The following SUSD5 variants were observed in gnomAD, a reference collection of about 807,000 sequenced individuals.
SUSD5 encodes the protein sushi domain-containing protein 5.
A neutral mutation model predicts 29.5 loss-of-function variants in SUSD5; 33 were observed. That is an observed-to-expected ratio of 1.12 (90% CI 0.85 to 1.49). The LOEUF is 1.49. Among genes scored for constraint, SUSD5 ranks in the 40% most tolerant of loss-of-function variants. SUSD5 has a pLI of 0.00. For synonymous variants in SUSD5, 308 were observed against 325.3 expected, an observed-to-expected ratio of 0.95 and a Z score of 0.57; for missense variants, 776 against 800.6, an observed-to-expected ratio of 0.97 and a Z score of 0.37.
intron 4 of SUSD5, among the ~76,000 whole-genome samples, chr3:33,156,914 T>C (rs1487595160): frequency 6.6e-6 from 1 of 152,230 alleles, no homozygotes; most frequent in Non-Finnish European, 1.5e-5. Flanking sequence ...AAACAGTGGA[T>C]GAAGAGCAAA....
intron 2 of SUSD5, among the ~76,000 whole-genome samples, chr3:33,212,304 G>A (rs2032337069): frequency 6.6e-6 from 1 of 152,208 alleles, no homozygotes; most frequent in African/African-American, 2.4e-5. Context: ...GTGGAAGCCA[G>A]AGGACTGCCT....
At chr3:33,195,633 A>C (rs904921388) in intron 3 of SUSD5, among the ~76,000 whole-genome samples, 1 of 152,190 alleles carries the variant, frequency 6.6e-6, no homozygotes, top group African/African-American at 2.4e-5. Flanking sequence ...CAAAACGTCT[A>C]ATAACAGGAG....
At chr3:33,213,773 CAAACA>C (rs577823372) in intron 2 of SUSD5, among the ~76,000 whole-genome samples, 150 bp downstream of exon 2, 8 of 151,902 alleles carry the variant, frequency 5.3e-5, no homozygotes, top group Non-Finnish European at 8.8e-5. Flanking sequence ...GACTCCATCT[CAAACA>C]AAACAAAACA....
At chr3:33,189,478 C>CAAAAAAAA (rs71630568) in intron 3 of SUSD5, among the ~76,000 whole-genome samples, 2 of 91,620 alleles carry the variant, frequency 2.2e-5, no homozygotes, top group African/African-American at 4.8e-5. Context: ...CTCTCCTTCT[C>CAAAAAAAA]AAAAAAAAAA....
At chr3:33,214,196 C>T in intron 1 of SUSD5, 91 bp from the exon 2 acceptor site, 1 of 1,318,096 alleles carries the variant, frequency 7.6e-7, no homozygotes, top group Non-Finnish European at 1.0e-6. Flanking sequence ...CCAGTTAGAA[C>T]TGTAGTCCTT....
chr3:33,198,373 T>C (rs1472546369), intron 3 of SUSD5, among the ~76,000 whole-genome samples: 1 of 152,236 alleles, frequency 6.6e-6, no homozygotes, highest in East Asian at 1.9e-4. Flanking sequence ...CTAATCATTG[T>C]GCATTATTAT....
intron 1 of SUSD5, among the ~76,000 whole-genome samples, chr3:33,214,885 C>A (rs2032398869): frequency 1.3e-5 from 2 of 152,044 alleles, no homozygotes; most frequent in African/African-American, 4.8e-5. Flanking sequence ...TCAAGTTAAG[C>A]TAAAGGCAGG....
chr3:33,197,747 T>C (rs993981004), intron 3 of SUSD5, among the ~76,000 whole-genome samples: 6 of 152,222 alleles, frequency 3.9e-5, no homozygotes, highest in Non-Finnish European at 8.8e-5. Flanking sequence ...TTTGACTTTT[T>C]TTCATTTAGC....
At chr3:33,215,341 A>C (rs531896499) in intron 1 of SUSD5, among the ~76,000 whole-genome samples, 47 of 152,298 alleles carry the variant, frequency 3.1e-4, no homozygotes, top group Non-Finnish European at 2.6e-4. Context: ...TTTTAGGCAC[A>C]CACAGAACAT....
chr3:33,158,374 A>G (rs1239067868), intron 4 of SUSD5, among the ~76,000 whole-genome samples: 2 of 152,104 alleles, frequency 1.3e-5, no homozygotes, highest in African/African-American at 2.4e-5. Context: ...ACCCTCACAC[A>G]CTGGTGAGCA....
Position 33,207,920 on chromosome 3 carries a change from A to G in SUSD5, c.297T>C (p.Thr99=). ...GTTCTCCACTTCCTTTGCTACACAC[A>G]GTTGTTCTGAAATAGACAAAAAAGG... ...GWLADGTLGT[T]VCSKGSGEQQ... is the part of the protein sequence containing the mutation. The change falls in exon 3 of 5, where the codon ACT becomes ACC. Residue 99 remains threonine (T), a synonymous_variant. Coordinates refer to ENST00000309558, the MANE Select transcript of SUSD5 (RefSeq NM_015551.2). 1 of 1,612,902 alleles carries G rather than the reference A, an allele frequency of 6.2e-7. No individual in the cohort carries two copies. Among genetic ancestry groups the G allele is most frequent in the Non-Finnish European group, 8.5e-7 (1 of 1,179,442 alleles).
At chr3:33,203,707 C>T (rs2032162513) in intron 3 of SUSD5, among the ~76,000 whole-genome samples, 3 of 152,190 alleles carry the variant, frequency 2.0e-5, no homozygotes, top group African/African-American at 7.2e-5. Flanking sequence ...GATACTCTGC[C>T]TCTGGAACAC....
chr3:33,165,252 A>T (rs1559445924), intron 4 of SUSD5, among the ~76,000 whole-genome samples: 2 of 152,212 alleles, frequency 1.3e-5, no homozygotes, highest in Admixed American at 6.5e-5. Flanking sequence ...TGGGCAAAGG[A>T]AGCCATACAC....
In SUSD5 at chr3:33,154,024, T is replaced by C. The variant is rs1389599313; in HGVS notation, c.608A>G (p.Glu203Gly). The C allele has an allele frequency of 1.9e-6, 3 of 1,584,666 alleles. No individual in the cohort carries two copies. The Admixed American group carries it at 5.7e-5, about 30-fold the overall frequency. Residue 203 changes from glutamate to glycine, a missense_variant, in exon 5 of 5, where the codon GAG becomes GGG. By Grantham distance (98) the Glu-to-Gly change is moderately conservative. Coordinates refer to ENST00000309558, the MANE Select transcript of SUSD5 (RefSeq NM_015551.2). ...LVQACGKDEA[E>G]AHIDYEDNFP... ...GTTATCTTCATAGTCAATGTGTGCC[T>C]CAGCCTCATCTGGAAGAAAAGAGGG...
intron 3 of SUSD5, among the ~76,000 whole-genome samples, chr3:33,196,068 G>C (rs924015922): frequency 6.6e-6 from 1 of 152,148 alleles, no homozygotes; most frequent in Non-Finnish European, 1.5e-5. Context: ...ATAAAAACCA[G>C]CTCCATTTCC....
intron 3 of SUSD5, among the ~76,000 whole-genome samples, chr3:33,195,769 C>A (rs1228952520): frequency 6.8e-6 from 1 of 146,332 alleles, no homozygotes; most frequent in Non-Finnish European, 1.5e-5. Flanking sequence ...AGAATGCAAT[C>A]TTATATGTTG....
intron 3 of SUSD5, among the ~76,000 whole-genome samples, chr3:33,201,784 C>T (rs1283905888): frequency 6.6e-6 from 1 of 152,194 alleles, no homozygotes; most frequent in African/African-American, 2.4e-5. Context: ...TACAACGGCA[C>T]AACCACAGCT....
At chr3:33,166,029 G>T (rs1408933526) in intron 4 of SUSD5, among the ~76,000 whole-genome samples, 1 of 136,718 alleles carries the variant, frequency 7.3e-6, no homozygotes, top group Admixed American at 7.3e-5. Context: ...AAAAAAAAAG[G>T]AAAGAAAAGG....
intron 3 of SUSD5, among the ~76,000 whole-genome samples, chr3:33,191,410 G>A (rs548435346): frequency 2.6e-5 from 4 of 151,964 alleles, no homozygotes; most frequent in Admixed American, 6.6e-5. Context: ...GATTACAGGC[G>A]TGAGCCACTG....
Sources: gnomAD v4.1 joint callset for allele counts (sites outside exome capture counted in the v4.1 genomes callset) on GRCh38, gnomAD v4.1.1 for gene constraint, MANE v1.5 for transcripts, NCBI Gene and HGNC (gene_info 2026-07-23, HGNC 2026-07-21) for gene names.